The following CAGE1 variants were observed in gnomAD, a reference collection of about 807,000 sequenced individuals.
The protein encoded by CAGE1 is cancer antigen 1, also known as cancer-associated gene 1 protein.
Under a neutral mutation model 94.9 loss-of-function variants are expected in CAGE1, and 66 were observed. The observed-to-expected ratio is 0.70, with a 90% CI of 0.57 to 0.85. CAGE1 has a LOEUF of 0.85. Ranked by LOEUF, CAGE1 falls within the 40% of genes least tolerant of loss-of-function variation. The pLI, the probability that CAGE1 is intolerant of heterozygous loss-of-function variation, is 0.00. For synonymous variants in CAGE1, 319 were observed against 321.0 expected (o/e 0.99, Z 0.07); for missense variants, 865 against 950.4 (o/e 0.91, Z 1.18).
At position 7,333,738 on chromosome 6, in the gene CAGE1, G is replaced by A. The variant is rs540832887; in HGVS notation, c.2438+284C>T. ...TGCTGGAGTGCAGTGGCACGATCTC[G>A]GCTCACTGCAACCTCCGCCTCCCAG... On this transcript the variant is annotated intron_variant, in intron 12 of 13. Coordinates refer to ENST00000502583, the MANE Select transcript of CAGE1 (RefSeq NM_001170692.2). Among the ~76,000 whole-genome samples, 48 of 147,020 alleles carry A rather than the reference G, an allele frequency of 3.3e-4. No homozygotes were observed. The South Asian group carries it at 0.01, about 31-fold the overall frequency.
chr6:7,365,707 A>G, intron 8 of CAGE1, 97 bp downstream of exon 8: 1 of 1,326,642 alleles, frequency 7.5e-7, no homozygotes, highest in Non-Finnish European at 1.0e-6. Context: ...CAGAACTTAG[A>G]ACTAGAAGTA....
At chr6:7,352,398 CACAA>C (rs1759815415) in intron 11 of CAGE1, among the ~76,000 whole-genome samples, 1 of 149,840 alleles carries the variant, frequency 6.7e-6, no homozygotes. Flanking sequence ...CCATAGATGA[CACAA>C]ACAAATAGAA....
At chr6:7,332,717 C>T (rs1322414461) in intron 12 of CAGE1, among the ~76,000 whole-genome samples, 1 of 152,192 alleles carries the variant, frequency 6.6e-6, no homozygotes, top group Non-Finnish European at 1.5e-5. Context: ...GAACTCATGA[C>T]ACGACAGATT....
At chr6:7,328,986 C>T (rs181543303) in intron 13 of CAGE1, 24 of 158,836 alleles carry the variant, frequency 1.5e-4, no homozygotes, top group South Asian at 1.1e-3. Flanking sequence ...GGCTGGAGTG[C>T]GGTGGTAAGA....
intron 11 of CAGE1, among the ~76,000 whole-genome samples, chr6:7,351,573 G>GAA (rs56766681): frequency 0.11 from 14,423 of 134,300 alleles, 1,014 homozygotes; most frequent in East Asian, 0.29. Context: ...TTTTGGAATA[G>GAA]AAAAAAAAAA....
intron 11 of CAGE1, among the ~76,000 whole-genome samples, chr6:7,349,867 G>A (rs1453725473): frequency 6.6e-6 from 1 of 150,978 alleles, no homozygotes; most frequent in East Asian, 1.9e-4. Context: ...AGGGGCCAAG[G>A]TTGCCGTGAG....
chr6:7,384,588 G>A (rs1183301029), intron 3 of CAGE1, among the ~76,000 whole-genome samples: 1 of 152,132 alleles, frequency 6.6e-6, no homozygotes, highest in Non-Finnish European at 1.5e-5. Context: ...GCAGCATAGT[G>A]AGATCCATTT....
At chr6:7,338,275 A>G (rs1759037289) in intron 11 of CAGE1, among the ~76,000 whole-genome samples, 1 of 152,152 alleles carries the variant, frequency 6.6e-6, no homozygotes, top group South Asian at 2.1e-4. Flanking sequence ...GCCTGATTGT[A>G]CTGGACAGAA....
In CAGE1 at chr6:7,373,121, A is replaced by C. The variant is rs773647845; in HGVS notation, c.1698T>G (p.Ala566=). ...CTTCCTCTAATTGATCCTTTAACTG[A>C]GCTGTCTCAAATTTAGGGACATAAT... is the stretch of plus-strand genomic sequence containing the variant. ...EQNYVPKFET[A]QLKDQLEEVL... The change falls in exon 5 of 14, where the codon GCT becomes GCG. Residue 566 remains alanine (A), a synonymous_variant. Transcript: ENST00000502583. The C allele has an allele frequency of 1.2e-6, 2 of 1,612,820 alleles. No homozygotes were observed. The highest frequency in any genetic ancestry group is 1.7e-6 in the Non-Finnish European group (2 of 1,179,460).
chr6:7,345,166 G>A (rs1189936590), intron 11 of CAGE1, among the ~76,000 whole-genome samples: 1 of 128,218 alleles, frequency 7.8e-6, no homozygotes, highest in Admixed American at 8.0e-5. Context: ...TTGCTTTTAG[G>A]AGCTATGACA....
rs933466684 is a variant in CAGE1 at position 7,339,645 on chromosome 6, C to T, written c.2370-5555G>A. On this transcript the variant is annotated intron_variant, in intron 11 of 13. Coordinates refer to ENST00000502583, the MANE Select transcript of CAGE1 (RefSeq NM_001170692.2). This position sits in a 1 kb window ranked among gnomAD's most constrained non-coding sequence, Gnocchi z 4.7. The stretch of plus-strand genomic sequence containing the variant: ...TTGTGTCCTCATAGCTTAGCTCCCA[C>T]TTATGAGTGAGAACATATGATGTTT... 1 of 625,780 alleles carries T rather than the reference C, an allele frequency of 1.6e-6. No homozygotes were observed. Among genetic ancestry groups the T allele is most frequent in the African/African-American group, 1.8e-5 (1 of 54,954 alleles). The allele number at this position is 625,780 out of a possible 1,614,324, so 38.8% of individuals were successfully genotyped here. A position where few individuals can be genotyped will look rare whatever the true frequency, so the allele number is the denominator to read the frequency against.
rs1760299420 is a variant in CAGE1 at position 7,365,502 on chromosome 6, T to C, written c.2159A>G (p.Lys720Arg). ...AAGCTCCTCATTTAGACTGTGGTAC[T>C]TATCCAGTTTGGCTCCCAGAAGGGT... ...VPTLLGAKLD[K>R]YHSLNEELDF... is the part of the protein sequence containing the mutation. The change falls in exon 9 of 14, where the codon AAG (lysine) becomes AGG (arginine). Residue 720 changes from lysine (K) to arginine (R), a missense_variant. Lys to Arg is a conservative substitution (Grantham distance 26). Coordinates refer to ENST00000502583, the MANE Select transcript of CAGE1 (RefSeq NM_001170692.2). 4 of 1,613,526 alleles carry C rather than the reference T, an allele frequency of 2.5e-6. No homozygotes were observed. In the East Asian group the frequency reaches 8.9e-5, roughly 36 times the overall value.
chr6:7,355,968 G>T, intron 10 of CAGE1, 57 bp downstream of exon 10: 1 of 1,004,260 alleles, frequency 1.0e-6, no homozygotes, highest in Non-Finnish European at 1.5e-6. Context: ...CTGTACTTCG[G>T]CCTGGGTGAC....
chr6:7,345,119 C>G (rs556183273), intron 11 of CAGE1, among the ~76,000 whole-genome samples: 2 of 150,828 alleles, frequency 1.3e-5, no homozygotes, highest in African/African-American at 2.5e-5. Context: ...GCTGTTTGCT[C>G]TTTAGATCCA....
intron 11 of CAGE1, among the ~76,000 whole-genome samples, chr6:7,350,559 C>T (rs1759734821): frequency 6.6e-6 from 1 of 152,134 alleles, no homozygotes. Context: ...ATATCAAGCA[C>T]TCTCTCAGAC....
At chr6:7,331,319 CA>C in intron 12 of CAGE1, 1 of 1,015,378 alleles carries the variant, frequency 9.8e-7, no homozygotes. Context: ...AAGCAACCAT[CA>C]AACAAAAGAG....
At position 7,356,106 on chromosome 6, in the gene CAGE1, TAGG is replaced by T. The variant is rs1001481942; in HGVS notation, c.2214_2216del (p.Leu739del). ...TGTTGCAGTGGTTTTCTTTTGACTC[TAGG>T]AGATGTCCCAGTTTTGTGATCTATG... On this transcript the variant is annotated inframe_deletion, in exon 10 of 14. Coordinates refer to ENST00000502583, the MANE Select transcript of CAGE1 (RefSeq NM_001170692.2). 4 of 1,548,246 alleles carry T rather than the reference TAGG, an allele frequency of 2.6e-6. No individual in the cohort carries two copies. The highest frequency in any genetic ancestry group is 2.0e-5 in the Admixed American group (1 of 50,984).
At chr6:7,329,771 A>G (rs1378905412) in intron 13 of CAGE1, 78 bp downstream of exon 13, 7 of 713,024 alleles carry the variant, frequency 9.8e-6, no homozygotes, top group Non-Finnish European at 1.0e-5. Context: ...GACTTCAGGA[A>G]CTCCTATTAA....
intron 11 of CAGE1, among the ~76,000 whole-genome samples, chr6:7,352,949 A>G (rs1344693129): frequency 1.3e-5 from 2 of 152,226 alleles, no homozygotes; most frequent in Non-Finnish European, 2.9e-5. Flanking sequence ...ATTCTAGAAG[A>G]TAACATTGGA....
Sources: gnomAD v4.1 joint callset for allele counts (sites outside exome capture counted in the v4.1 genomes callset) on GRCh38, gnomAD v4.1.1 for gene constraint, Gnocchi (gnomAD v3.1) non-coding constraint, MANE v1.5 for transcripts, NCBI Gene and HGNC (gene_info 2026-07-23, HGNC 2026-07-21) for gene names.